The following SEMA6D variants were observed in gnomAD, a reference collection of about 807,000 sequenced individuals.
SEMA6D encodes the protein semaphorin 6D.
SEMA6D carries 35 observed loss-of-function variants against 106.6 expected under a neutral mutation model. The ratio of observed to expected loss-of-function variants is 0.33; its 90% confidence interval spans 0.25 to 0.44. The LOEUF (loss-of-function observed/expected upper bound fraction) is 0.44, where lower values mean the gene tolerates loss of function less well. Ranked by LOEUF, SEMA6D falls within the 20% of genes least tolerant of loss-of-function variation. The pLI, the probability that SEMA6D is intolerant of heterozygous loss-of-function variation, is 1.00. For missense variants in SEMA6D, 1,185 were observed against 1,345.9 expected (o/e 0.88, Z 1.87); for synonymous variants, 499 against 487.7 (o/e 1.02, Z -0.31).
intron 14 of SEMA6D, 44 bp from the exon 15 acceptor site, chr15:47,766,061 G>T: frequency 6.2e-7 from 1 of 1,612,832 alleles, no homozygotes; most frequent in Non-Finnish European, 8.5e-7. Flanking sequence ...CGAAACCTTT[G>T]TTGATGAGAA....
chr15:47,264,363 G>A (rs2142136826), intron 1 of SEMA6D, among the ~76,000 whole-genome samples: 1 of 149,974 alleles, frequency 6.7e-6, no homozygotes, highest in African/African-American at 2.4e-5. Flanking sequence ...TAAATATTGT[G>A]CAAGGTTTTT....
chr15:47,569,991 G>T (rs1437491744), intron 3 of SEMA6D, among the ~76,000 whole-genome samples: 2 of 151,568 alleles, frequency 1.3e-5, no homozygotes, highest in African/African-American at 4.9e-5. Context: ...AACCTGGGAG[G>T]CAGAGATTGC....
At chr15:47,208,089 T>G (rs1332756795) in intron 1 of SEMA6D, among the ~76,000 whole-genome samples, 1 of 150,482 alleles carries the variant, frequency 6.6e-6, no homozygotes, top group African/African-American at 2.5e-5. Context: ...TGGAGTCAGA[T>G]TACCCAGGTT....
At chr15:47,517,534 G>A (rs1168046016) in intron 3 of SEMA6D, among the ~76,000 whole-genome samples, 1 of 152,020 alleles carries the variant, frequency 6.6e-6, no homozygotes. Flanking sequence ...AAACAGACTG[G>A]GAACAAAATA....
intron 1 of SEMA6D, among the ~76,000 whole-genome samples, chr15:47,330,469 AG>A: frequency 6.6e-6 from 1 of 152,284 alleles, no homozygotes; most frequent in Non-Finnish European, 1.5e-5. Context: ...AGGCACTAAA[AG>A]GGCATCTCTG....
chr15:47,248,109 A>G (rs185851121), intron 1 of SEMA6D, among the ~76,000 whole-genome samples: 16 of 152,326 alleles, frequency 1.1e-4, no homozygotes, highest in African/African-American at 3.4e-4. Context: ...TCATTACCTA[A>G]ACATAGCCAT....
intron 3 of SEMA6D, among the ~76,000 whole-genome samples, chr15:47,515,847 T>C (rs1323399566): frequency 6.6e-6 from 1 of 152,202 alleles, no homozygotes; most frequent in African/African-American, 2.4e-5. Flanking sequence ...TTTGACTCTG[T>C]GGGCCAGATG....
intron 4 of SEMA6D, among the ~76,000 whole-genome samples, chr15:47,682,389 G>A (rs183545600): frequency 6.6e-4 from 100 of 152,160 alleles, no homozygotes; most frequent in Non-Finnish European, 1.4e-3. Flanking sequence ...GGGTGGTGTC[G>A]ATCTCCTGAC....
chr15:47,746,769 T>C (rs1423440746), intron 1 of SEMA6D, among the ~76,000 whole-genome samples: 1 of 152,146 alleles, frequency 6.6e-6, no homozygotes, highest in Non-Finnish European at 1.5e-5. Context: ...CTTGGAACCT[T>C]GAGCCCTTCC....
intron 1 of SEMA6D, among the ~76,000 whole-genome samples, chr15:47,356,313 C>T (rs939825192): frequency 6.6e-6 from 1 of 152,168 alleles, no homozygotes; most frequent in African/African-American, 2.4e-5. Context: ...CAAGAGCTCT[C>T]CTGTCTCCAG....
intron 1 of SEMA6D, chr15:47,395,675 C>G (rs1701161016): frequency 6.6e-6 from 1 of 152,182 alleles, no homozygotes. Flanking sequence ...ACCAGGCAAG[C>G]TATACCAGTG....
At chr15:47,545,689 C>A (rs551844723) in intron 3 of SEMA6D, among the ~76,000 whole-genome samples, 1 of 152,036 alleles carries the variant, frequency 6.6e-6, no homozygotes, top group Admixed American at 6.6e-5. Flanking sequence ...CAAATATATG[C>A]GTTTCCCTCA....
At chr15:47,652,636 T>A (rs1297852365) in intron 4 of SEMA6D, among the ~76,000 whole-genome samples, 1 of 152,196 alleles carries the variant, frequency 6.6e-6, no homozygotes, top group Non-Finnish European at 1.5e-5. Context: ...ACGTATAGAC[T>A]GCTTTCCCTT....
intron 1 of SEMA6D, among the ~76,000 whole-genome samples, chr15:47,283,043 G>C (rs747610497): frequency 6.6e-6 from 1 of 152,046 alleles, no homozygotes; most frequent in Non-Finnish European, 1.5e-5. Flanking sequence ...AGCATTTCTA[G>C]AGTCCAGAGA....
intron 1 of SEMA6D, among the ~76,000 whole-genome samples, chr15:47,241,712 C>T (rs1235642490): frequency 1.3e-5 from 2 of 151,052 alleles, no homozygotes; most frequent in African/African-American, 4.9e-5. Context: ...AAAAAAAAAA[C>T]CTCTTAAAAA....
chr15:47,723,932 A>G (rs2079570984), intron 1 of SEMA6D, among the ~76,000 whole-genome samples: 1 of 152,176 alleles, frequency 6.6e-6, no homozygotes, highest in Non-Finnish European at 1.5e-5. Flanking sequence ...AGGAGTTTCT[A>G]CTCAGCTGAG....
At chr15:47,459,332 C>A (rs932410448) in intron 2 of SEMA6D, among the ~76,000 whole-genome samples, 12 of 151,998 alleles carry the variant, frequency 7.9e-5, no homozygotes, top group Non-Finnish European at 1.5e-5. Context: ...GGAAATGAAT[C>A]CTGTCAACTG....
At chr15:47,665,047 T>C (rs1014191856) in intron 4 of SEMA6D, among the ~76,000 whole-genome samples, 2 of 152,202 alleles carry the variant, frequency 1.3e-5, no homozygotes, top group Non-Finnish European at 2.9e-5. Flanking sequence ...TCCTCTTTTA[T>C]ATTTCAGAGG....
At chr15:47,506,027 C>T (rs901735047) in intron 3 of SEMA6D, among the ~76,000 whole-genome samples, 2 of 152,052 alleles carry the variant, frequency 1.3e-5, no homozygotes, top group Admixed American at 6.6e-5. Flanking sequence ...AAACTCTACC[C>T]GAGGAACAAA....
Sources: gnomAD v4.1 joint callset for allele counts (sites outside exome capture counted in the v4.1 genomes callset) on GRCh38, gnomAD v4.1.1 for gene constraint, MANE v1.5 for transcripts, NCBI Gene and HGNC (gene_info 2026-07-23, HGNC 2026-07-21) for gene names.